Variants in ADCY2 observed in about 807,000 individuals in gnomAD.
ADCY2 encodes the protein adenylate cyclase type 2.
A neutral mutation model predicts 125.2 loss-of-function variants in ADCY2; 31 were observed. That is an observed-to-expected ratio of 0.25 (90% confidence interval 0.19 to 0.33). The LOEUF (loss-of-function observed/expected upper bound fraction) is 0.33. Ranked by LOEUF, ADCY2 falls within the 10% of genes least tolerant of loss-of-function variation. ADCY2 has a pLI of 1.00. For missense variants in ADCY2, 904 were observed against 1,418.2 expected, an observed-to-expected ratio of 0.64 and a Z score of 5.82; for synonymous variants, 512 against 548.4, an observed-to-expected ratio of 0.93 and a Z score of 0.93.
intron 3 of ADCY2, among the ~76,000 whole-genome samples, chr5:7,576,318 T>C (rs528672025): frequency 1.3e-5 from 2 of 152,348 alleles, no homozygotes; most frequent in Admixed American, 6.5e-5. Flanking sequence ...AGTGTATTCA[T>C]GTACACTCCA....
In ADCY2 at chr5:7,579,434, C is replaced by T. The variant is rs184393299; in HGVS notation, c.571-46733C>T. On this transcript the variant is annotated intron_variant, in intron 3 of 24. Transcript: ENST00000338316. ...CCTAAAAAAAAGAGATCCACAGAGA[C>T]AGAGAGAGAGAGAGAGAACAGCCAA... Among the ~76,000 whole-genome samples, 1,036 of 150,014 alleles carry T rather than the reference C, an allele frequency of 6.9e-3. 10 individuals carry two copies. Among genetic ancestry groups the T allele is most frequent in the African/African-American group, 0.024 (995 of 41,188 alleles).
rs190144389 is a variant in ADCY2 at position 7,565,827 on chromosome 5, C to T, written c.570+44928C>T. Among the ~76,000 whole-genome samples, 84 of 152,246 alleles carry T rather than the reference C, an allele frequency of 5.5e-4. 1 individual carries two copies. Among genetic ancestry groups the T allele is most frequent in the Admixed American group, 5.5e-3 (84 of 15,294 alleles). On this transcript the variant is annotated intron_variant, in intron 3 of 24. Transcript: ENST00000338316. Reference sequence around the variant, plus strand: ...GCATTGCCAAATGACGATTAACAGCCCTTAGAATCCCAGAGCACTGAGTCC... The same window carrying T: ...GCATTGCCAAATGACGATTAACAGCTCTTAGAATCCCAGAGCACTGAGTCC...
intron 2 of ADCY2, among the ~76,000 whole-genome samples, chr5:7,431,069 T>A (rs946377295): frequency 1.3e-5 from 2 of 152,184 alleles, no homozygotes; most frequent in Admixed American, 1.3e-4. Context: ...CTAAAATGTA[T>A]ATGGAAATGC....
chr5:7,459,441 A>G (rs1741830151), intron 2 of ADCY2, among the ~76,000 whole-genome samples: 2 of 152,128 alleles, frequency 1.3e-5, no homozygotes, highest in South Asian at 2.1e-4. Flanking sequence ...TCACATTCTG[A>G]TGGTTAACAT....
intron 5 of ADCY2, 106 bp downstream of exon 5, chr5:7,690,945 G>A: frequency 7.8e-7 from 1 of 1,283,698 alleles, no homozygotes; most frequent in Admixed American, 2.9e-5. Context: ...TTGTGACAGT[G>A]GATCCTTTGC....
At chr5:7,737,182 G>A (rs1742274953) in intron 14 of ADCY2, among the ~76,000 whole-genome samples, 1 of 152,122 alleles carries the variant, frequency 6.6e-6, no homozygotes. Flanking sequence ...ATTTCCGAAA[G>A]GGAATTTAAT....
At chr5:7,544,281 C>T (rs1300857910) in intron 3 of ADCY2, among the ~76,000 whole-genome samples, 2 of 152,152 alleles carry the variant, frequency 1.3e-5, no homozygotes, top group Non-Finnish European at 2.9e-5. Flanking sequence ...TGGCCTGAAA[C>T]AATACACATT....
At chr5:7,557,522 C>T (rs1579570793) in intron 3 of ADCY2, among the ~76,000 whole-genome samples, 1 of 152,222 alleles carries the variant, frequency 6.6e-6, no homozygotes, top group East Asian at 1.9e-4. Flanking sequence ...CCTCTCCCTC[C>T]TCCCACCCTC....
At chr5:7,418,280 GTA>G (rs1740034946) in intron 2 of ADCY2, among the ~76,000 whole-genome samples, 1 of 152,174 alleles carries the variant, frequency 6.6e-6, no homozygotes, top group South Asian at 2.1e-4. Flanking sequence ...GATCGTGAGT[GTA>G]TATGAGGCTC....
chr5:7,544,266 C>A (rs1735085216), intron 3 of ADCY2, among the ~76,000 whole-genome samples: 1 of 152,162 alleles, frequency 6.6e-6, no homozygotes, highest in African/African-American at 2.4e-5. Context: ...TTACCACAAG[C>A]TTGGTGGCCT....
intron 20 of ADCY2, chr5:7,799,987 G>C (rs1446049575): frequency 6.6e-6 from 1 of 152,282 alleles, no homozygotes; most frequent in Non-Finnish European, 1.5e-5. Context: ...GACAGGACCC[G>C]CAAGTGTCAG....
At chr5:7,568,327 T>A (rs1054135843) in intron 3 of ADCY2, among the ~76,000 whole-genome samples, 6 of 152,212 alleles carry the variant, frequency 3.9e-5, no homozygotes, top group African/African-American at 1.4e-4. Context: ...TTTAATCAGA[T>A]GCATACCTCT....
At chr5:7,531,599 A>G (rs71604175) in intron 3 of ADCY2, among the ~76,000 whole-genome samples, 25,645 of 152,144 alleles carry the variant, frequency 0.17, 2,806 homozygotes, top group Non-Finnish European at 0.25. Flanking sequence ...CCTCTCTCCT[A>G]GCTTCTGGTG....
chr5:7,413,977 CTCTT>C (rs1485985970), intron 1 of ADCY2, among the ~76,000 whole-genome samples: 1 of 152,162 alleles, frequency 6.6e-6, no homozygotes, highest in Non-Finnish European at 1.5e-5. Flanking sequence ...TTCTCCATCT[CTCTT>C]GAGAGAGAAA....
intron 2 of ADCY2, among the ~76,000 whole-genome samples, chr5:7,416,480 A>G (rs976396201): frequency 2.6e-5 from 4 of 152,128 alleles, no homozygotes; most frequent in Admixed American, 6.5e-5. Context: ...TCCCCACTCA[A>G]TTAGAAATCC....
At chr5:7,434,122 A>C (rs1461828590) in intron 2 of ADCY2, among the ~76,000 whole-genome samples, 1 of 152,230 alleles carries the variant, frequency 6.6e-6, no homozygotes, top group African/African-American at 2.4e-5. Context: ...AATGATGACA[A>C]ATAAATGCAA....
At chr5:7,805,457 T>TGAGA (rs370289821) in intron 22 of ADCY2, among the ~76,000 whole-genome samples, 8 of 150,670 alleles carry the variant, frequency 5.3e-5, no homozygotes, top group South Asian at 2.1e-4. Context: ...TGTGTGTGTG[T>TGAGA]GAGAGAGAGA....
intron 13 of ADCY2, among the ~76,000 whole-genome samples, chr5:7,726,562 G>A (rs891132441): frequency 6.6e-6 from 1 of 152,146 alleles, no homozygotes; most frequent in Non-Finnish European, 1.5e-5. Context: ...GGGGAACCAC[G>A]TGGACCCCTG....
intron 2 of ADCY2, among the ~76,000 whole-genome samples, chr5:7,430,345 C>A (rs1393140678): frequency 1.3e-5 from 2 of 151,824 alleles, no homozygotes; most frequent in Non-Finnish European, 2.9e-5. Flanking sequence ...TTTCCCAACT[C>A]ATGTCATGGG....
Sources: allele counts gnomAD v4.1 joint callset (sites outside exome capture counted in the v4.1 genomes callset), GRCh38; gene constraint gnomAD v4.1.1; transcripts MANE v1.5; gene names NCBI Gene and HGNC (gene_info 2026-07-23, HGNC 2026-07-21).